PREP: variants seen among roughly 807,000 people sequenced by gnomAD.
PREP encodes prolyl endopeptidase, also known as dJ355L5.1 (prolyl endopeptidase).
In PREP, 29 loss-of-function variants were observed where a neutral mutation model predicts 87.6. The observed-to-expected ratio is 0.33, with a 90% confidence interval of 0.25 to 0.45. PREP has a LOEUF of 0.45. PREP is among the 20% of genes least tolerant of loss of function. The pLI, the probability that PREP is intolerant of heterozygous loss-of-function variation, is 1.00. For synonymous variants in PREP, 337 were observed against 328.6 expected (o/e 1.03, Z -0.28); for missense variants, 695 against 886.5 (o/e 0.78, Z 2.74).
Position 105,316,330 on chromosome 6 carries a change from C to T in PREP, c.1317+7335G>A, listed in dbSNP as rs543073747. On this transcript the variant is annotated intron_variant, in intron 10 of 14. Coordinates refer to ENST00000652536, the MANE Select transcript of PREP (RefSeq NM_002726.5). ...GGGAGAGAGATGAGGGTATAGCTGA[C>T]GGATGGAGCAGTCAGAACACACACA... Among the ~76,000 whole-genome samples the T allele has an allele frequency of 7.9e-5, 12 of 152,296 alleles. No individual in the cohort carries two copies. The East Asian group carries it at 1.2e-3, about 15-fold the overall frequency.
chr6:105,280,976 T>C (rs1044341045), intron 14 of PREP: 2 of 152,210 alleles, frequency 1.3e-5, no homozygotes, highest in Non-Finnish European at 2.9e-5. Context: ...TACCTTTTGA[T>C]TGTTACAGTA....
intron 6 of PREP, among the ~76,000 whole-genome samples, chr6:105,354,989 G>A (rs965754297): frequency 1.3e-5 from 2 of 151,816 alleles, no homozygotes; most frequent in East Asian, 1.9e-4. Flanking sequence ...TATTCAGAGA[G>A]AGGAATACAT....
chr6:105,384,706 A>C (rs539424130), intron 2 of PREP, among the ~76,000 whole-genome samples: 3 of 152,334 alleles, frequency 2.0e-5, no homozygotes, highest in South Asian at 4.1e-4. Flanking sequence ...TTAGGGACAG[A>C]GATGAGTATT....
At position 105,365,313 on chromosome 6, in the gene PREP, T is replaced by G. The variant is rs549905858; in HGVS notation, c.717+3590A>C. Among the ~76,000 whole-genome samples the G allele has an allele frequency of 2.0e-5, 3 of 152,348 alleles. No homozygotes were observed. In the East Asian group the frequency reaches 5.8e-4, roughly 29 times the overall value. Reference sequence around the variant, plus strand: ...AAGAAATTGCTTCATTTCCAGTGAATAGCCTGAGAGCTAATGTGTCCACCA... The same window carrying G: ...AAGAAATTGCTTCATTTCCAGTGAAGAGCCTGAGAGCTAATGTGTCCACCA... On this transcript the variant is annotated intron_variant, in intron 6 of 14. Transcript: ENST00000652536.
At position 105,395,834 on chromosome 6, in the gene PREP, A is replaced by G. The variant is rs1335183633; in HGVS notation, c.120+2019T>C. On this transcript the variant is annotated intron_variant, in intron 2 of 14. Transcript: ENST00000652536. ...CGATACTTCAGGTGAAGAAATCATC[A>G]GGTCCTTAGAGACAGTTTTCCAAGA... 2.0e-5 allele frequency among the ~76,000 whole-genome samples: 3 copies of G among 152,248 alleles called. No homozygotes were observed. In the East Asian group the frequency reaches 5.8e-4, roughly 29 times the overall value.
chr6:105,287,291 G>T (rs1456466434), intron 11 of PREP, among the ~76,000 whole-genome samples: 2 of 152,184 alleles, frequency 1.3e-5, no homozygotes, highest in East Asian at 3.9e-4. Flanking sequence ...CTCATGTCTG[G>T]AATGTTGCCT....
At chr6:105,307,908 C>T (rs1409437205) in intron 10 of PREP, among the ~76,000 whole-genome samples, 2 of 152,200 alleles carry the variant, frequency 1.3e-5, no homozygotes, top group South Asian at 2.1e-4. Flanking sequence ...CCACTGCGCC[C>T]GGCCACACTC....
intron 2 of PREP, among the ~76,000 whole-genome samples, chr6:105,380,123 G>C (rs1246574948): frequency 6.6e-6 from 1 of 152,176 alleles, no homozygotes; most frequent in African/African-American, 2.4e-5. Context: ...TGCAGATCTT[G>C]AAAATCACTG....
At chr6:105,291,186 G>A (rs1770290624) in intron 10 of PREP, among the ~76,000 whole-genome samples, 1 of 152,200 alleles carries the variant, frequency 6.6e-6, no homozygotes, top group African/African-American at 2.4e-5. Flanking sequence ...CTGGTGGAGG[G>A]CCTTGCCTTC....
intron 2 of PREP, among the ~76,000 whole-genome samples, chr6:105,393,572 CAG>C (rs1773214846): frequency 6.6e-6 from 1 of 152,092 alleles, no homozygotes; most frequent in Admixed American, 6.5e-5. Flanking sequence ...TGTAAAGAAA[CAG>C]AGGAGCAGCG....
In PREP at chr6:105,306,224, C is replaced by G. The variant is rs79733671; in HGVS notation, c.1318-17330G>C. 7.1e-4 allele frequency among the ~76,000 whole-genome samples: 108 copies of G among 152,184 alleles called. No individual in the cohort carries two copies. The East Asian group carries it at 0.019, about 26-fold the overall frequency. Reference sequence around the variant, plus strand: ...TAACTGAATCATGTTCACGAAAGATCTAGAAAAGAACATGGTATACTTTAC... The same window carrying G: ...TAACTGAATCATGTTCACGAAAGATGTAGAAAAGAACATGGTATACTTTAC... On this transcript the variant is annotated intron_variant, in intron 10 of 14. Transcript: ENST00000652536.
intron 7 of PREP, among the ~76,000 whole-genome samples, chr6:105,335,652 G>C (rs947273261): frequency 3.3e-5 from 5 of 152,162 alleles, no homozygotes; most frequent in African/African-American, 7.2e-5. Context: ...AGCATTTTGG[G>C]AGGACAAAGC....
chr6:105,276,811 A>ATAAC lies in PREP; in HGVS notation c.*1329_*1332dup, dbSNP rs1458869410. Among the ~76,000 whole-genome samples, 1 of 152,244 alleles carries ATAAC rather than the reference A, an allele frequency of 6.6e-6. No individual in the cohort carries two copies. The highest frequency in any genetic ancestry group is 6.5e-5 in the Admixed American group (1 of 15,286). ...AAAATGGTATGTCTAATTTTTGACC[A>ATAAC]TAACTTGAAACGTAGAGAATGAGAG... is the stretch of plus-strand genomic sequence containing the variant. On this transcript the variant is annotated 3_prime_UTR_variant, in exon 15 of 15. Coordinates refer to ENST00000652536, the MANE Select transcript of PREP (RefSeq NM_002726.5).
At position 105,295,912 on chromosome 6, in the gene PREP, T is replaced by C. The variant is rs184697320; in HGVS notation, c.1318-7018A>G. Among the ~76,000 whole-genome samples, 6 of 152,362 alleles carry C rather than the reference T, an allele frequency of 3.9e-5. No individual in the cohort carries two copies. In the East Asian group the frequency reaches 1.2e-3, roughly 29 times the overall value. ...ATTTTCTCATTGATATTTAGGCTAT[T>C]CTTTATGTTCTGTGATTGGTAATGA... On this transcript the variant is annotated intron_variant, in intron 10 of 14. Coordinates refer to ENST00000652536, the MANE Select transcript of PREP (RefSeq NM_002726.5).
intron 11 of PREP, among the ~76,000 whole-genome samples, chr6:105,287,468 A>G (rs1027159823): frequency 6.6e-5 from 10 of 152,226 alleles, no homozygotes; most frequent in African/African-American, 2.4e-4. Context: ...CTTGCTAACA[A>G]AAGGATAAAT....
intron 2 of PREP, among the ~76,000 whole-genome samples, chr6:105,379,935 C>G (rs187853842): frequency 6.6e-6 from 1 of 152,362 alleles, no homozygotes; most frequent in East Asian, 1.9e-4. Context: ...AAAGTGTCAA[C>G]TACAGATCAG....
At chr6:105,361,132 C>T (rs2114693800) in intron 6 of PREP, among the ~76,000 whole-genome samples, 1 of 152,170 alleles carries the variant, frequency 6.6e-6, no homozygotes. Context: ...CCATATAATG[C>T]AAAGAATACC....
rs762424336 is a variant in PREP, at chr6:105,373,373, A to G, written c.591T>C (p.Ser197=). The G allele has an allele frequency of 6.2e-7, 1 of 1,613,748 alleles. No individual in the cohort carries two copies. Among genetic ancestry groups the G allele is most frequent in the East Asian group, 2.2e-5 (1 of 44,884 alleles). The change falls in exon 5 of 15, where the codon AGT becomes AGC. Residue 197 remains serine, a synonymous_variant. Coordinates refer to ENST00000652536, the MANE Select transcript of PREP (RefSeq NM_002726.5). ...TCATCTGAAGTCTTCACTCACCATC[A>G]CTTTTTCCATCCTGTTGAGGGTATG... The part of the protein sequence containing the change: ...YNSYPQQDGK[S]DGTETSTNLH...
rs563933819 is a variant in PREP, at chr6:105,365,872, C to T, written c.717+3031G>A. On this transcript the variant is annotated intron_variant, in intron 6 of 14. Transcript: ENST00000652536. ...TATAAAGGACTCACTTTATATTGTT[C>T]CTTTAGCTTTTTTTTTTTTTTAAAC... Among the ~76,000 whole-genome samples, 4 of 133,994 alleles carry T rather than the reference C, an allele frequency of 3.0e-5. No individual in the cohort carries two copies. The South Asian group carries it at 6.7e-4, about 23-fold the overall frequency. The allele number at this position is 133,994 out of a possible 152,430, so 87.9% of individuals were successfully genotyped here.
Sources: allele counts gnomAD v4.1 joint callset (sites outside exome capture counted in the v4.1 genomes callset), GRCh38; gene constraint gnomAD v4.1.1; transcripts MANE v1.5; gene names NCBI Gene and HGNC (gene_info 2026-07-23, HGNC 2026-07-21).